Variants in NCAM2 observed in about 807,000 individuals in gnomAD.
NCAM2 encodes the protein neural cell adhesion molecule 2, also known as N-CAM-2.
NCAM2 carries 30 observed loss-of-function variants against 98.1 expected under a neutral mutation model. The observed-to-expected ratio is 0.31, with a 90% CI of 0.23 to 0.41. The LOEUF is 0.41. Among genes scored for constraint, NCAM2 ranks in the 10% least tolerant of loss-of-function variants. NCAM2 has a pLI of 1.00. For synonymous variants in NCAM2, 368 were observed against 342.4 expected, an observed-to-expected ratio of 1.07 and a Z score of -0.83; for missense variants, 867 against 1,005.8, an observed-to-expected ratio of 0.86 and a Z score of 1.87.
At chr21:21,044,634 CT>C (rs2064973078) in intron 1 of NCAM2, among the ~76,000 whole-genome samples, 1 of 152,040 alleles carries the variant, frequency 6.6e-6, no homozygotes, top group African/African-American at 2.4e-5. Flanking sequence ...GAATTATGTT[CT>C]GTAAATGTGT....
At chr21:21,280,861 A>G (rs1012524) in intron 2 of NCAM2, among the ~76,000 whole-genome samples, 30,682 of 150,136 alleles carry the variant, frequency 0.2, 3,173 homozygotes, top group African/African-American at 0.24. Flanking sequence ...GGCTCACTGC[A>G]ATCTCCCCCT....
intron 1 of NCAM2, among the ~76,000 whole-genome samples, chr21:21,031,662 T>C (rs2064685634): frequency 6.6e-6 from 1 of 152,348 alleles, no homozygotes; most frequent in Middle Eastern, 3.4e-3. Flanking sequence ...GTGATGGACG[T>C]TGATTTGACA....
chr21:21,156,291 C>T (rs2067608041), intron 1 of NCAM2, among the ~76,000 whole-genome samples: 1 of 152,106 alleles, frequency 6.6e-6, no homozygotes, highest in Middle Eastern at 3.4e-3. Flanking sequence ...CATCTTTGAA[C>T]TCCAAAGGAG....
intron 1 of NCAM2, among the ~76,000 whole-genome samples, chr21:21,244,025 A>T (rs1360300545): frequency 1.3e-5 from 2 of 152,190 alleles, no homozygotes; most frequent in Admixed American, 1.3e-4. Context: ...GGTAAATTTT[A>T]AGAGCTTCCA....
At chr21:21,208,662 GGAGATTATTGTAGAGGA>G (rs2069530469) in intron 1 of NCAM2, among the ~76,000 whole-genome samples, 1 of 151,972 alleles carries the variant, frequency 6.6e-6, no homozygotes, top group South Asian at 2.1e-4. Flanking sequence ...CTGCCTATGT[GGAGATTATTGTAGAGGA>G]GACCTTAAGA....
intron 1 of NCAM2, among the ~76,000 whole-genome samples, chr21:21,237,135 A>G (rs2070863967): frequency 6.6e-6 from 1 of 152,164 alleles, no homozygotes; most frequent in East Asian, 1.9e-4. Context: ...CATTTTCATG[A>G]GAATGAACAG....
intron 1 of NCAM2, among the ~76,000 whole-genome samples, chr21:21,012,718 A>G (rs1031683576): frequency 3.3e-5 from 5 of 151,228 alleles, no homozygotes; most frequent in African/African-American, 7.3e-5. Flanking sequence ...TTTTTTTACA[A>G]CTCGAATGTC....
At chr21:21,027,859 T>TTC (rs72429920) in intron 1 of NCAM2, among the ~76,000 whole-genome samples, 1,749 of 138,774 alleles carry the variant, frequency 0.013, 20 homozygotes, top group African/African-American at 0.046. Flanking sequence ...GTTTCTTAAG[T>TTC]TTTTTTTTTT....
At chr21:21,188,381 A>T (rs575103614) in intron 1 of NCAM2, among the ~76,000 whole-genome samples, 1 of 152,308 alleles carries the variant, frequency 6.6e-6, no homozygotes, top group African/African-American at 2.4e-5. Context: ...TGATGGTGTT[A>T]TGGTATAATT....
At chr21:21,275,214 G>T (rs866204928) in intron 1 of NCAM2, among the ~76,000 whole-genome samples, 1 of 151,984 alleles carries the variant, frequency 6.6e-6, no homozygotes, top group Middle Eastern at 3.2e-3. Context: ...GCCGAGGCGG[G>T]TGGATCACCA....
intron 7 of NCAM2, among the ~76,000 whole-genome samples, chr21:21,337,388 A>G (rs2074901086): frequency 6.6e-6 from 1 of 152,114 alleles, no homozygotes; most frequent in Non-Finnish European, 1.5e-5. Context: ...AATTGTATGC[A>G]TATTGTGGGA....
chr21:21,086,973 T>C (rs2065917092), intron 1 of NCAM2, among the ~76,000 whole-genome samples: 1 of 151,960 alleles, frequency 6.6e-6, no homozygotes, highest in Non-Finnish European at 1.5e-5. Flanking sequence ...ATCCTTTTGA[T>C]AGGGATATTG....
At chr21:21,290,011 A>G (rs1470438593) in intron 4 of NCAM2, 2 of 151,910 alleles carry the variant, frequency 1.3e-5, no homozygotes, top group Non-Finnish European at 2.9e-5. Flanking sequence ...CTGCAGACTC[A>G]GAGAGATGAA....
At chr21:21,264,936 TGTGTGTG>T (rs2072089881) in intron 1 of NCAM2, among the ~76,000 whole-genome samples, 2 of 28,992 alleles carry the variant, frequency 6.9e-5, no homozygotes, top group Admixed American at 7.2e-4. Context: ...CACATATATA[TGTGTGTG>T]TATATATATG....
At chr21:21,524,007 TA>T (rs202035724) in intron 16 of NCAM2, among the ~76,000 whole-genome samples, 1 of 146,324 alleles carries the variant, frequency 6.8e-6, no homozygotes, top group Non-Finnish European at 1.5e-5. Context: ...TCAGAGTAAA[TA>T]AAAAAAAACG....
intron 11 of NCAM2, among the ~76,000 whole-genome samples, chr21:21,424,937 G>A (rs1358934909): frequency 1.3e-5 from 2 of 149,004 alleles, no homozygotes; most frequent in Non-Finnish European, 3.0e-5. Context: ...TCGGGAGGCT[G>A]AGGCAGGAGA....
At chr21:21,154,275 T>A (rs2067541780) in intron 1 of NCAM2, among the ~76,000 whole-genome samples, 1 of 151,892 alleles carries the variant, frequency 6.6e-6, no homozygotes, top group African/African-American at 2.4e-5. Context: ...GAATAAAAAG[T>A]TTTATGAGCT....
intron 1 of NCAM2, among the ~76,000 whole-genome samples, chr21:21,220,793 T>G (rs970661752): frequency 6.6e-6 from 1 of 152,198 alleles, no homozygotes; most frequent in African/African-American, 2.4e-5. Flanking sequence ...TTCTGCATTT[T>G]TTATAAGCTG....
At chr21:21,150,689 G>C (rs2067420562) in intron 1 of NCAM2, among the ~76,000 whole-genome samples, 1 of 151,752 alleles carries the variant, frequency 6.6e-6, no homozygotes, top group South Asian at 2.1e-4. Flanking sequence ...ATTGTCTGTG[G>C]TATATATTGT....
Sources: gnomAD v4.1 joint callset for allele counts (sites outside exome capture counted in the v4.1 genomes callset) on GRCh38, gnomAD v4.1.1 for gene constraint, MANE v1.5 for transcripts, NCBI Gene and HGNC (gene_info 2026-07-23, HGNC 2026-07-21) for gene names.